Variants in DRD2 observed in about 807,000 individuals in gnomAD.
The protein encoded by DRD2 is dopamine receptor D2.
In DRD2, 8 loss-of-function variants were observed where a neutral mutation model predicts 38.0. The observed-to-expected ratio is 0.21, with a 90% CI of 0.12 to 0.38. The LOEUF is 0.38. DRD2 is among the 10% of genes least tolerant of loss of function. The pLI, the probability that DRD2 is intolerant of heterozygous loss-of-function variation, is 1.00. For missense variants in DRD2, 403 were observed against 607.7 expected (o/e 0.66, Z 3.54); for synonymous variants, 230 against 238.6 (o/e 0.96, Z 0.33).
At chr11:113,428,795 T>A (rs1241640609) in intron 1 of DRD2, among the ~76,000 whole-genome samples, 1 of 152,162 alleles carries the variant, frequency 6.6e-6, no homozygotes, top group African/African-American at 2.4e-5. Context: ...GGCTAATTTT[T>A]AAAAATGTTT....
intron 1 of DRD2, among the ~76,000 whole-genome samples, chr11:113,436,157 A>G (rs1421534489): frequency 1.3e-5 from 2 of 152,194 alleles, no homozygotes; most frequent in Non-Finnish European, 2.9e-5. Context: ...GTGGGCAGGC[A>G]AGATGGGACT....
At chr11:113,466,055 G>A (rs1371327440) in intron 1 of DRD2, among the ~76,000 whole-genome samples, 1 of 152,180 alleles carries the variant, frequency 6.6e-6, no homozygotes, top group Non-Finnish European at 1.5e-5. Flanking sequence ...GCATCTCAAA[G>A]GGGTGATAGT....
Position 113,424,433 on chromosome 11 carries a change from G to C in DRD2, c.219C>G (p.Ile73Met). 6.2e-7 allele frequency: 1 copy of C among 1,614,244 alleles called. No individual in the cohort carries two copies. The highest frequency in any genetic ancestry group is 8.5e-7 in the Non-Finnish European group (1 of 1,180,050). Reference sequence around the variant, plus strand: ...GGAGGTCGGCCACTGCGAGGCTGACGATCAGGTAGTTGGTGGTGGTCTGCA... The same window carrying C: ...GGAGGTCGGCCACTGCGAGGCTGACCATCAGGTAGTTGGTGGTGGTCTGCA... ...KALQTTTNYL[I>M]VSLAVADLLV... The change falls in exon 2 of 8, where the codon ATC becomes ATG. Residue 73 changes from isoleucine to methionine, a missense_variant. Physicochemically the swap from Ile to Met is conservative, Grantham distance 10 (BLOSUM62 1). Around this residue, in one of 4 missense-constraint regions of DRD2, gnomAD observed 162 missense variants for 254.5 expected, o/e 0.64. Transcript: ENST00000362072.
At chr11:113,473,273 CT>C (rs1225659639) in intron 1 of DRD2, among the ~76,000 whole-genome samples, 1 of 152,124 alleles carries the variant, frequency 6.6e-6, no homozygotes, top group Admixed American at 6.5e-5. Context: ...GGAGTCTCAA[CT>C]TTTTGGGAGG....
At chr11:113,423,138 C>T (rs1950902200) in intron 2 of DRD2, among the ~76,000 whole-genome samples, 1 of 152,212 alleles carries the variant, frequency 6.6e-6, no homozygotes, top group Non-Finnish European at 1.5e-5. Flanking sequence ...CCCACATCTG[C>T]TCGCTGGCTC....
intron 1 of DRD2, among the ~76,000 whole-genome samples, chr11:113,462,412 C>A (rs1389972655): frequency 6.6e-6 from 1 of 152,072 alleles, no homozygotes; most frequent in Non-Finnish European, 1.5e-5. Flanking sequence ...TTACAGTGGA[C>A]CCTAAATCAA....
chr11:113,452,621 T>C (rs1167869527), intron 1 of DRD2, among the ~76,000 whole-genome samples: 2 of 151,028 alleles, frequency 1.3e-5, no homozygotes, highest in African/African-American at 4.9e-5. Flanking sequence ...CCCAGTAGTA[T>C]GGCCCTTCTC....
chr11:113,452,465 T>TGCGCGCGCGC (rs1160837850), intron 1 of DRD2, among the ~76,000 whole-genome samples: 3 of 89,512 alleles, frequency 3.4e-5, no homozygotes, highest in African/African-American at 1.1e-4. Context: ...TGTGTGTGTG[T>TGCGCGCGCGC]GTGTGCGCGC....
At chr11:113,446,782 C>G (rs1437069348) in intron 1 of DRD2, among the ~76,000 whole-genome samples, 1 of 152,200 alleles carries the variant, frequency 6.6e-6, no homozygotes, top group African/African-American at 2.4e-5. Flanking sequence ...AGAGAGAAGT[C>G]CTGTGGAGGC....
chr11:113,461,555 C>A (rs1951319156), intron 1 of DRD2, among the ~76,000 whole-genome samples: 1 of 152,148 alleles, frequency 6.6e-6, no homozygotes, highest in Non-Finnish European at 1.5e-5. Context: ...CCAAGGCAGA[C>A]TGGAGTATAT....
At position 113,417,010 on chromosome 11, in the gene DRD2, G is replaced by GGGGGACCCTGAATCTGGGGTGCAGGCCC; in HGVS notation, c.396-39_396-12dup. On this transcript the variant is annotated splice_polypyrimidine_tract_variant and intron_variant, in intron 3 of 7. Transcript: ENST00000362072. ...GCCACAGCTGTGTACCTGCAAGGGC[G>GGGGGACCCTGAATCTGGGGTGCAGGCCC]GGGGACCCTGAATCTGGGGTGCAGG... is the stretch of plus-strand genomic sequence containing the variant. The GGGGGACCCTGAATCTGGGGTGCAGGCCC allele has an allele frequency of 6.2e-7, 1 of 1,612,990 alleles. No homozygotes were observed. Among genetic ancestry groups the GGGGGACCCTGAATCTGGGGTGCAGGCCC allele is most frequent in the Non-Finnish European group, 8.5e-7 (1 of 1,179,404 alleles).
intron 1 of DRD2, among the ~76,000 whole-genome samples, chr11:113,456,500 T>C (rs1591299541): frequency 6.6e-6 from 1 of 152,066 alleles, no homozygotes; most frequent in Non-Finnish European, 1.5e-5. Flanking sequence ...AATACATACA[T>C]GTATTGAAGC....
intron 6 of DRD2, 70 bp from the exon 7 acceptor site, chr11:113,412,953 G>A (rs1950784536): frequency 1.3e-6 from 2 of 1,502,006 alleles, no homozygotes; most frequent in Non-Finnish European, 1.8e-6. Context: ...CATCTCACTG[G>A]CCCCTCCCTT....
At chr11:113,461,368 C>T (rs772430032) in intron 1 of DRD2, among the ~76,000 whole-genome samples, 2 of 152,200 alleles carry the variant, frequency 1.3e-5, no homozygotes, top group Non-Finnish European at 2.9e-5. Flanking sequence ...GGCCTCCCAT[C>T]CACCACCCCC....
chr11:113,412,527 G>A, intron 7 of DRD2, 29 bp downstream of exon 7: 1 of 1,607,788 alleles, frequency 6.2e-7, no homozygotes, highest in South Asian at 1.1e-5. Context: ...CACAGACCGG[G>A]CTGTGGCCAG....
chr11:113,437,416 G>A (rs1951049268), intron 1 of DRD2, among the ~76,000 whole-genome samples: 1 of 152,148 alleles, frequency 6.6e-6, no homozygotes. Context: ...CAGGCTGGTA[G>A]GTGTCAGACT....
intron 1 of DRD2, among the ~76,000 whole-genome samples, chr11:113,470,930 C>T (rs2120010235): frequency 6.6e-6 from 1 of 152,312 alleles, no homozygotes; most frequent in African/African-American, 2.4e-5. Context: ...TCTCATGTAT[C>T]CTAGGGAGAG....
chr11:113,441,785 C>T (rs1012040966), intron 1 of DRD2, among the ~76,000 whole-genome samples: 9 of 152,102 alleles, frequency 5.9e-5, no homozygotes, highest in Non-Finnish European at 1.5e-5. Flanking sequence ...GAGATCAAGA[C>T]CATCCTGGCT....
intron 1 of DRD2, among the ~76,000 whole-genome samples, chr11:113,443,230 C>T (rs1438922816): frequency 2.0e-5 from 3 of 152,176 alleles, no homozygotes; most frequent in South Asian, 2.1e-4. Context: ...CCACCTCCTC[C>T]GAGAAGCCTT....
Sources: gnomAD v4.1 joint callset for allele counts (sites outside exome capture counted in the v4.1 genomes callset) on GRCh38, gnomAD v4.1.1 for gene constraint, gnomAD v4.1.1 regional missense constraint, MANE v1.5 for transcripts, NCBI Gene and HGNC (gene_info 2026-07-23, HGNC 2026-07-21) for gene names.